The following RAB39A variants were observed in gnomAD, a reference collection of about 807,000 sequenced individuals.
RAB39A encodes the protein ras-related protein Rab-39A.
In RAB39A, 17 loss-of-function variants were observed where a neutral mutation model predicts 20.9. The ratio of observed to expected loss-of-function variants is 0.81; its 90% CI spans 0.56 to 1.22. RAB39A has a LOEUF of 1.22. RAB39A is among the 50% of genes most tolerant of loss of function. The pLI is 0.00. For missense variants in RAB39A, 234 were observed against 270.5 expected (o/e 0.87, Z 0.95); for synonymous variants, 99 against 103.4 (o/e 0.96, Z 0.26).
intron 1 of RAB39A, among the ~76,000 whole-genome samples, chr11:107,951,580 AAC>A (rs1334594839): frequency 2.6e-5 from 4 of 151,676 alleles, no homozygotes; most frequent in African/African-American, 9.7e-5. Context: ...TCATGATAAT[AAC>A]ACATAAGATC....
intron 1 of RAB39A, among the ~76,000 whole-genome samples, chr11:107,952,341 G>C (rs1394780150): frequency 6.6e-6 from 1 of 152,204 alleles, no homozygotes; most frequent in Admixed American, 6.5e-5. Flanking sequence ...CAGCACTTTG[G>C]GAAGCCGAGG....
At chr11:107,935,398 A>C (rs1047377169) in intron 1 of RAB39A, among the ~76,000 whole-genome samples, 6 of 150,826 alleles carry the variant, frequency 4.0e-5, no homozygotes, top group Non-Finnish European at 8.9e-5. Context: ...TTTTGGAGAC[A>C]GAGTCTGGCT....
At chr11:107,932,121 C>T (rs1463761896) in intron 1 of RAB39A, among the ~76,000 whole-genome samples, 1 of 152,040 alleles carries the variant, frequency 6.6e-6, no homozygotes, top group African/African-American at 2.4e-5. Flanking sequence ...CCTCGGCCTC[C>T]CAAAATGCTG....
intron 1 of RAB39A, among the ~76,000 whole-genome samples, chr11:107,955,630 G>T (rs1861426959): frequency 6.6e-6 from 1 of 152,128 alleles, no homozygotes; most frequent in South Asian, 2.1e-4. Flanking sequence ...CCTGAGGTTG[G>T]GAGGTCGAGA....
chr11:107,933,612 T>G (rs1282681856), intron 1 of RAB39A, among the ~76,000 whole-genome samples: 2 of 151,866 alleles, frequency 1.3e-5, no homozygotes, highest in Admixed American at 1.3e-4. Context: ...TCTCAAGTGA[T>G]CTGCCCGCCT....
intron 1 of RAB39A, among the ~76,000 whole-genome samples, chr11:107,939,613 GAAAAAAAAAAAGA>G (rs981477077): frequency 1.4e-4 from 9 of 64,036 alleles, no homozygotes; most frequent in African/African-American, 5.7e-4. Context: ...CCATCTCAAA[GAAAAAAAAAAAGA>G]AAAAAAAAAA....
chr11:107,936,691 A>AT, intron 1 of RAB39A, among the ~76,000 whole-genome samples: 1 of 152,160 alleles, frequency 6.6e-6, no homozygotes. Context: ...AAAGAAAACG[A>AT]TTTTTTGTTC....
At chr11:107,950,063 C>T (rs1410705769) in intron 1 of RAB39A, among the ~76,000 whole-genome samples, 3 of 151,956 alleles carry the variant, frequency 2.0e-5, no homozygotes, top group African/African-American at 7.3e-5. Context: ...CCCTGTAGTC[C>T]CAGCTACTCG....
chr11:107,949,902 G>A (rs957336550), intron 1 of RAB39A, among the ~76,000 whole-genome samples: 1 of 152,122 alleles, frequency 6.6e-6, no homozygotes, highest in Non-Finnish European at 1.5e-5. Context: ...GCCGGGCGCG[G>A]TGGCTCACAC....
rs1400678438 is a variant in RAB39A at position 107,929,224 on chromosome 11, C to A, written c.227+429C>A. ...CCCTTTTCCTACCCTAACCCAGCGG[C>A]TCCCACGCTGTGTGGCCGGGGAGAA... On this transcript the variant is annotated intron_variant, in intron 1 of 1. Coordinates refer to ENST00000320578, the MANE Select transcript of RAB39A (RefSeq NM_017516.3). Among the ~76,000 whole-genome samples the A allele has an allele frequency of 2.0e-5, 3 of 152,198 alleles. No homozygotes were observed. In the East Asian group the frequency reaches 5.8e-4, roughly 29 times the overall value.
chr11:107,944,526 A>T (rs1861290391), intron 1 of RAB39A, among the ~76,000 whole-genome samples: 1 of 152,118 alleles, frequency 6.6e-6, no homozygotes, highest in African/African-American at 2.4e-5. Context: ...AGCTGGGATT[A>T]CAGGTGCGTG....
At chr11:107,941,118 A>G (rs1039492565) in intron 1 of RAB39A, among the ~76,000 whole-genome samples, 26 of 152,230 alleles carry the variant, frequency 1.7e-4, no homozygotes, top group African/African-American at 6.0e-4. Flanking sequence ...TTTTCTTTAC[A>G]GTAGCATTTT....
chr11:107,959,794 A>T (rs944798997), intron 1 of RAB39A, among the ~76,000 whole-genome samples: 1 of 152,232 alleles, frequency 6.6e-6, no homozygotes, highest in Admixed American at 6.5e-5. Flanking sequence ...CCATTCACAA[A>T]GATCTTGGTG....
At chr11:107,938,339 A>AAGCG (rs1296227759) in intron 1 of RAB39A, among the ~76,000 whole-genome samples, 1 of 147,594 alleles carries the variant, frequency 6.8e-6, no homozygotes, top group Non-Finnish European at 1.5e-5. Flanking sequence ...CAGTCTGGGC[A>AAGCG]ATAGAGCAAG....
chr11:107,931,081 A>T (rs1861132040), intron 1 of RAB39A, among the ~76,000 whole-genome samples: 1 of 151,512 alleles, frequency 6.6e-6, no homozygotes. Context: ...GGTTCCAGCA[A>T]TTCTGCAGCC....
At chr11:107,954,491 C>T (rs948689226) in intron 1 of RAB39A, among the ~76,000 whole-genome samples, 2 of 152,170 alleles carry the variant, frequency 1.3e-5, no homozygotes, top group Non-Finnish European at 2.9e-5. Context: ...CTGCTCATGA[C>T]TTGGTGTGGA....
intron 1 of RAB39A, among the ~76,000 whole-genome samples, chr11:107,932,725 G>A (rs1861150331): frequency 6.6e-6 from 1 of 152,076 alleles, no homozygotes; most frequent in Non-Finnish European, 1.5e-5. Context: ...GTTTTGTTTT[G>A]TTTTTTGAGA....
At chr11:107,950,757 C>A (rs1403981525) in intron 1 of RAB39A, among the ~76,000 whole-genome samples, 8 of 123,266 alleles carry the variant, frequency 6.5e-5, no homozygotes, top group East Asian at 2.4e-4. Flanking sequence ...CAGAGCGAGA[C>A]CCTGTCTAAA....
intron 1 of RAB39A, among the ~76,000 whole-genome samples, chr11:107,931,123 T>C (rs1005264937): frequency 2.0e-5 from 3 of 151,750 alleles, no homozygotes; most frequent in African/African-American, 7.3e-5. Flanking sequence ...ATTACAGGCA[T>C]GCACCACTAC....
Sources: allele counts gnomAD v4.1 joint callset (sites outside exome capture counted in the v4.1 genomes callset), GRCh38; gene constraint gnomAD v4.1.1; transcripts MANE v1.5; gene names NCBI Gene and HGNC (gene_info 2026-07-23, HGNC 2026-07-21).